GSE1: variants seen among roughly 807,000 people sequenced by gnomAD.
GSE1 encodes the protein genetic suppressor element 1.
A neutral mutation model predicts 112.6 loss-of-function variants in GSE1; 32 were observed. The observed-to-expected ratio is 0.28, with a 90% CI of 0.21 to 0.38. The LOEUF is 0.38. Among genes scored for constraint, GSE1 ranks in the 10% least tolerant of loss-of-function variants. The pLI, the probability that GSE1 is intolerant of heterozygous loss-of-function variation, is 1.00. For missense variants in GSE1, 2,348 were observed against 1,699.2 expected (o/e 1.38, Z -6.71); for synonymous variants, 1,115 against 735.6 (o/e 1.52, Z -8.35).
At chr16:85,436,743 C>T (rs1196007712) in intron 2 of GSE1, among the ~76,000 whole-genome samples, 1 of 152,352 alleles carries the variant, frequency 6.6e-6, no homozygotes, top group East Asian at 1.9e-4. Flanking sequence ...GGCCAGCTGC[C>T]TGGCAGAGTC....
At chr16:85,480,794 C>A (rs558091079) in intron 2 of GSE1, among the ~76,000 whole-genome samples, 7 of 152,294 alleles carry the variant, frequency 4.6e-5, no homozygotes, top group African/African-American at 1.4e-4. Flanking sequence ...TCTGATTTTT[C>A]TGCCTGACAT....
In GSE1 at chr16:85,662,793, G is replaced by A; in HGVS notation, c.2261-188G>A. ...ATCCCAGGGAAGCCTGGTGTCTGCG[G>A]TCCTGCAAAGCCCCAGGACTGGGTT... is the stretch of plus-strand genomic sequence containing the variant. On this transcript the variant is annotated intron_variant, in intron 9 of 15. Transcript: ENST00000253458. 3 of 571,600 alleles carry A rather than the reference G, an allele frequency of 5.2e-6. No homozygotes were observed. In the South Asian group the frequency reaches 6.5e-5, roughly 12 times the overall value. The allele number at this position is 571,600 out of a possible 1,614,324, so 35.4% of individuals were successfully genotyped here. A position where few individuals can be genotyped will look rare whatever the true frequency, so the allele number is the denominator to read the frequency against.
intron 2 of GSE1, among the ~76,000 whole-genome samples, chr16:85,530,458 G>A (rs529007941): frequency 5.9e-5 from 9 of 152,172 alleles, no homozygotes; most frequent in South Asian, 2.1e-4. Flanking sequence ...CAGCCAGCTC[G>A]ACACTGAGCC....
At chr16:85,567,781 G>A (rs2045822086) in intron 1 of GSE1, among the ~76,000 whole-genome samples, 2 of 152,282 alleles carry the variant, frequency 1.3e-5, no homozygotes, top group African/African-American at 4.8e-5. Flanking sequence ...GGAGTGTAGT[G>A]GTGCGATCTC....
intron 1 of GSE1, among the ~76,000 whole-genome samples, chr16:85,308,690 G>A (rs2045747006): frequency 6.6e-6 from 1 of 151,856 alleles, no homozygotes; most frequent in Non-Finnish European, 1.5e-5. Context: ...CACATTGCCT[G>A]GGGAAGGCTC....
intron 2 of GSE1, among the ~76,000 whole-genome samples, chr16:85,488,354 C>T (rs1380037800): frequency 1.3e-5 from 2 of 152,184 alleles, no homozygotes. Flanking sequence ...AGAGTACAAA[C>T]AGAGGATGGG....
At chr16:85,572,366 C>T (rs2046033420) in intron 1 of GSE1, among the ~76,000 whole-genome samples, 2 of 147,938 alleles carry the variant, frequency 1.4e-5, no homozygotes, top group East Asian at 2.1e-4. Flanking sequence ...CACAATCACA[C>T]ACCACACACA....
intron 2 of GSE1, among the ~76,000 whole-genome samples, chr16:85,418,925 C>T (rs2048763730): frequency 6.6e-6 from 1 of 152,164 alleles, no homozygotes; most frequent in Admixed American, 6.5e-5. Context: ...AGTCTGTTGA[C>T]TTGAGCGGCT....
intron 1 of GSE1, among the ~76,000 whole-genome samples, chr16:85,218,613 C>G (rs2075341994): frequency 6.6e-6 from 1 of 152,214 alleles, no homozygotes; most frequent in Admixed American, 6.5e-5. Flanking sequence ...GCCTCTAGGC[C>G]TCACTTTCCA....
At chr16:85,386,534 C>A (rs75283905) in intron 2 of GSE1, among the ~76,000 whole-genome samples, 3,092 of 152,332 alleles carry the variant, frequency 0.02, 108 homozygotes, top group African/African-American at 0.071. Flanking sequence ...TGGTTATTGT[C>A]ATCCTTCTCA....
At position 85,304,604 on chromosome 16, in the gene GSE1, G is replaced by GGGA. The variant is rs755926954; in HGVS notation, c.2284-52857_2284-52856insAGG. Among the ~76,000 whole-genome samples, 304 of 135,248 alleles carry GGGA rather than the reference G, an allele frequency of 2.2e-3. 13 individuals are homozygous for GGGA. The highest frequency in any genetic ancestry group is 4.0e-3 in the Non-Finnish European group (253 of 62,472). 88.7% of individuals were successfully genotyped at this position (135,248 alleles called of 152,430 possible). On this transcript the variant is annotated intron_variant, in intron 1 of 2. Coordinates refer to the GSE1 transcript ENST00000637419. ...ATGGCAGCTGCCAAGCCGGGGGCGG[G>GGGA]GGGGTGGGGCATCCCTTTTGCCTTG... is the stretch of plus-strand genomic sequence containing the variant.
chr16:85,645,776 T>C (rs2050803483), intron 2 of GSE1, among the ~76,000 whole-genome samples: 1 of 152,202 alleles, frequency 6.6e-6, no homozygotes, highest in East Asian at 1.9e-4. Flanking sequence ...TGGGCTGGGG[T>C]CCTCCTTCTG....
At chr16:85,512,534 C>T (rs1198505077) in intron 2 of GSE1, among the ~76,000 whole-genome samples, 4 of 152,180 alleles carry the variant, frequency 2.6e-5, no homozygotes, top group Admixed American at 6.5e-5. Context: ...AAGATTTTTT[C>T]GGGGACTGCT....
chr16:85,246,342 G>A (rs1230210923), intron 1 of GSE1, among the ~76,000 whole-genome samples: 1 of 37,462 alleles, frequency 2.7e-5, no homozygotes, highest in African/African-American at 1.0e-4. Context: ...CCCCCCACAC[G>A]CTGTCTACAC....
intron 1 of GSE1, among the ~76,000 whole-genome samples, chr16:85,195,589 G>T (rs2074911293): frequency 6.6e-6 from 1 of 152,190 alleles, no homozygotes; most frequent in Non-Finnish European, 1.5e-5. Flanking sequence ...CTATATTTCT[G>T]ACACCATTTG....
At chr16:85,435,153 C>A (rs1315342786) in intron 2 of GSE1, among the ~76,000 whole-genome samples, 1 of 144,212 alleles carries the variant, frequency 6.9e-6, no homozygotes, top group East Asian at 1.9e-4. Context: ...AGGCAGAGGC[C>A]CAGGCAGGCT....
At chr16:85,578,278 TTCA>T (rs1467961499) in intron 1 of GSE1, among the ~76,000 whole-genome samples, 1 of 152,182 alleles carries the variant, frequency 6.6e-6, no homozygotes, top group Non-Finnish European at 1.5e-5. Flanking sequence ...AAATTACCCC[TTCA>T]TCAGCGTTTT....
At chr16:85,582,916 G>C (rs1206488048) in intron 1 of GSE1, among the ~76,000 whole-genome samples, 1 of 152,212 alleles carries the variant, frequency 6.6e-6, no homozygotes, top group Non-Finnish European at 1.5e-5. Context: ...TTAAATATAA[G>C]TGAGTTTTAA....
In GSE1 at chr16:85,172,384, T is replaced by C. The variant is rs182242946; in HGVS notation, c.2283+577T>C. Among the ~76,000 whole-genome samples the C allele has an allele frequency of 5.9e-5, 9 of 152,328 alleles. No homozygotes were observed. In the East Asian group the frequency reaches 1.2e-3, roughly 20 times the overall value. ...TGGGGGTGTGGAATTTGAGGGACAG[T>C]GGCCTAAACAGACTTTTCCCCCAGC... On this transcript the variant is annotated intron_variant, in intron 1 of 2. Transcript: ENST00000637419.
Sources: gnomAD v4.1 joint callset for allele counts (sites outside exome capture counted in the v4.1 genomes callset) on GRCh38, gnomAD v4.1.1 for gene constraint, MANE v1.5 for transcripts, NCBI Gene and HGNC (gene_info 2026-07-23, HGNC 2026-07-21) for gene names.